EIF2B3: variants seen among roughly 807,000 people sequenced by gnomAD.
EIF2B3 encodes translation initiation factor eIF2B subunit gamma.
EIF2B3 carries 20 observed loss-of-function variants against 54.1 expected under a neutral mutation model. The ratio of observed to expected loss-of-function variants is 0.37; its 90% CI spans 0.26 to 0.54. The LOEUF is 0.54. Among genes scored for constraint, EIF2B3 ranks in the 20% least tolerant of loss-of-function variants. EIF2B3 has a pLI of 0.86. For missense variants in EIF2B3, 448 were observed against 547.8 expected (o/e 0.82, Z 1.82); for synonymous variants, 153 against 188.1 (o/e 0.81, Z 1.52).
chr1:44,859,139 C>T (rs995932047), intron 10 of EIF2B3, among the ~76,000 whole-genome samples: 1 of 151,824 alleles, frequency 6.6e-6, no homozygotes, highest in East Asian at 1.9e-4. Context: ...TATCTCTACA[C>T]AAAATAAAAA....
At chr1:44,871,581 T>C (rs1473017665) in intron 10 of EIF2B3, among the ~76,000 whole-genome samples, 1 of 152,216 alleles carries the variant, frequency 6.6e-6, no homozygotes, top group East Asian at 1.9e-4. Context: ...TTCTTTCATA[T>C]AACAAATATT....
At position 44,879,774 on chromosome 1, in the gene EIF2B3, T is replaced by A. The variant is rs3738248; in HGVS notation, c.975+44A>T. ...AGAAACAGACAAGTGGCTCAGTCTG[T>A]TTCTAGGACAAGAGCCCCATGATTT... On this transcript the variant is annotated intron_variant, in intron 8 of 11. Transcript: ENST00000360403. 0.17 allele frequency: 269,885 copies of A among 1,601,584 alleles called. 23,102 individuals are homozygous for A. The highest frequency in any genetic ancestry group is 0.18 in the East Asian group (8,078 of 44,846).
chr1:44,874,744 C>T lies in EIF2B3; in HGVS notation c.1136G>A (p.Cys379Tyr). 1 of 1,614,108 alleles carries T rather than the reference C, an allele frequency of 6.2e-7. No homozygotes were observed. Among genetic ancestry groups the T allele is most frequent in the Non-Finnish European group, 8.5e-7 (1 of 1,180,020 alleles). The change falls in exon 10 of 12, where the codon TGT (cysteine) becomes TAT (tyrosine). Residue 379 changes from cysteine (C) to tyrosine (Y), a missense_variant. Coordinates refer to ENST00000360403, the MANE Select transcript of EIF2B3 (RefSeq NM_020365.5). Reference protein sequence around the residue: ...SIKRSVIGSSCLIKDRVTITN... With the variant: ...SIKRSVIGSSYLIKDRVTITN... Reference sequence around the variant, plus strand: ...AATAGTCACTCTATCTTTTATGAGACAGGATGAGCCAATGACTGAGCGCTT... The same window carrying T: ...AATAGTCACTCTATCTTTTATGAGATAGGATGAGCCAATGACTGAGCGCTT...
intron 11 of EIF2B3, among the ~76,000 whole-genome samples, chr1:44,852,114 A>ATTTT (rs765224340): frequency 2.1e-5 from 3 of 146,280 alleles, no homozygotes; most frequent in East Asian, 4.2e-4. Flanking sequence ...ACACATGGCT[A>ATTTT]ATTTTTTTTT....
At chr1:44,961,930 AC>A (rs1553179532) in intron 3 of EIF2B3, among the ~76,000 whole-genome samples, 1 of 152,068 alleles carries the variant, frequency 6.6e-6, no homozygotes, top group Non-Finnish European at 1.5e-5. Flanking sequence ...AGTGGCTCAC[AC>A]CTGTAATCCC....
intron 3 of EIF2B3, among the ~76,000 whole-genome samples, chr1:44,943,000 C>T (rs1052805198): frequency 2.6e-5 from 4 of 151,946 alleles, no homozygotes; most frequent in South Asian, 2.1e-4. Context: ...GGACTACAGG[C>T]GCCCGCCACC....
intron 5 of EIF2B3, among the ~76,000 whole-genome samples, chr1:44,901,856 G>A (rs191897420): frequency 1.3e-5 from 2 of 152,104 alleles, no homozygotes; most frequent in Non-Finnish European, 2.9e-5. Flanking sequence ...CACTGCACCC[G>A]GCCCTCATTT....
chr1:44,933,446 A>C (rs894607251), intron 4 of EIF2B3, among the ~76,000 whole-genome samples: 1 of 152,126 alleles, frequency 6.6e-6, no homozygotes, highest in Non-Finnish European at 1.5e-5. Context: ...TAAAGCTAAA[A>C]AAATTAAGAC....
intron 5 of EIF2B3, among the ~76,000 whole-genome samples, chr1:44,914,160 ATT>A (rs34681417): frequency 1.5e-4 from 20 of 133,576 alleles, no homozygotes; most frequent in Non-Finnish European, 1.6e-4. Context: ...TAAATTGGGA[ATT>A]TTTTTTTTTT....
At position 44,880,355 on chromosome 1, in the gene EIF2B3, T is replaced by C. The variant is rs975681290; in HGVS notation, c.785-347A>G. On this transcript the variant is annotated intron_variant, in intron 7 of 11. Coordinates refer to ENST00000360403, the MANE Select transcript of EIF2B3 (RefSeq NM_020365.5). ...AAATGTACTTCCCTAAAATATCATATGATATAAAAATGCTTAATACGAGGT... is the reference window on the plus strand; with the variant it reads ...AAATGTACTTCCCTAAAATATCATACGATATAAAAATGCTTAATACGAGGT... Among the ~76,000 whole-genome samples, 3 of 152,188 alleles carry C rather than the reference T, an allele frequency of 2.0e-5. No homozygotes were observed. The South Asian group carries it at 6.2e-4, about 32-fold the overall frequency.
At chr1:44,960,507 C>T (rs1209760450) in intron 3 of EIF2B3, among the ~76,000 whole-genome samples, 4 of 151,876 alleles carry the variant, frequency 2.6e-5, no homozygotes, top group African/African-American at 4.8e-5. Flanking sequence ...GGCGAGGTGG[C>T]GGGCGCCTGT....
At chr1:44,852,713 A>G (rs1470054370) in intron 11 of EIF2B3, among the ~76,000 whole-genome samples, 1 of 146,942 alleles carries the variant, frequency 6.8e-6, no homozygotes, top group Non-Finnish European at 1.5e-5. Flanking sequence ...CAAGAGGTGG[A>G]GGTTGCAGTG....
chr1:44,954,308 T>C (rs1644200168), intron 3 of EIF2B3, among the ~76,000 whole-genome samples: 1 of 152,216 alleles, frequency 6.6e-6, no homozygotes, highest in Non-Finnish European at 1.5e-5. Flanking sequence ...TTTGAATCTA[T>C]AAATTACTTT....
At chr1:44,862,656 C>T (rs1365437634) in intron 10 of EIF2B3, among the ~76,000 whole-genome samples, 1 of 152,184 alleles carries the variant, frequency 6.6e-6, no homozygotes, top group East Asian at 1.9e-4. Context: ...GATGGAGTCT[C>T]ACACTGTCGC....
intron 5 of EIF2B3, among the ~76,000 whole-genome samples, chr1:44,915,599 A>C (rs1643605738): frequency 6.6e-6 from 1 of 152,144 alleles, no homozygotes; most frequent in African/African-American, 2.4e-5. Context: ...CCTGGGCTAA[A>C]GTGATTCTCC....
At chr1:44,892,337 TG>T (rs1290314083) in intron 6 of EIF2B3, among the ~76,000 whole-genome samples, 1 of 152,076 alleles carries the variant, frequency 6.6e-6, no homozygotes, top group Admixed American at 6.6e-5. Flanking sequence ...CCCAGCTCTT[TG>T]GGAGGCCTAG....
chr1:44,882,648 T>C (rs184094542), intron 6 of EIF2B3, among the ~76,000 whole-genome samples: 194 of 150,506 alleles, frequency 1.3e-3, no homozygotes, highest in Non-Finnish European at 3.0e-4. Flanking sequence ...ACAGTCTTGC[T>C]CTATCGCCCA....
intron 3 of EIF2B3, among the ~76,000 whole-genome samples, chr1:44,955,378 A>G (rs1644211507): frequency 6.6e-6 from 1 of 152,228 alleles, no homozygotes; most frequent in Non-Finnish European, 1.5e-5. Context: ...GATGGATTAA[A>G]GACTTAAACG....
chr1:44,851,875 C>G (rs1573672948), intron 11 of EIF2B3, among the ~76,000 whole-genome samples: 1 of 152,040 alleles, frequency 6.6e-6, no homozygotes, highest in East Asian at 1.9e-4. Flanking sequence ...TAAGGCCCTC[C>G]ATGACATCTT....
Sources: gnomAD v4.1 joint callset for allele counts (sites outside exome capture counted in the v4.1 genomes callset) on GRCh38, gnomAD v4.1.1 for gene constraint, MANE v1.5 for transcripts, NCBI Gene and HGNC (gene_info 2026-07-23, HGNC 2026-07-21) for gene names.